The following BMP6 variants were observed in gnomAD, a reference collection of about 807,000 sequenced individuals.
BMP6 encodes VG-1-R.
A neutral mutation model predicts 54.1 loss-of-function variants in BMP6; 17 were observed. That is an observed-to-expected ratio of 0.31 (90% confidence interval 0.22 to 0.47). The LOEUF is 0.47. BMP6 is among the 20% of genes least tolerant of loss of function. The pLI, the probability that BMP6 is intolerant of heterozygous loss-of-function variation, is 1.00. For missense variants in BMP6, 720 were observed against 690.4 expected, an observed-to-expected ratio of 1.04 and a Z score of -0.48; for synonymous variants, 328 against 291.2, an observed-to-expected ratio of 1.13 and a Z score of -1.28.
rs1463443161 is a variant in BMP6, at chr6:7,838,879, T to C, written c.665-6261T>C. On this transcript the variant is annotated intron_variant, in intron 1 of 6. Transcript: ENST00000283147. ...ATGGCGTCAACCCGGGAGGTGGAGT[T>C]TGCAGTGAGCCGAGATCGCGCCACT... Among the ~76,000 whole-genome samples the C allele has an allele frequency of 4.6e-5, 7 of 150,720 alleles. No individual in the cohort carries two copies. The East Asian group carries it at 1.4e-3, about 30-fold the overall frequency.
chr6:7,754,909 C>A (rs1423166252), intron 1 of BMP6, among the ~76,000 whole-genome samples: 3 of 151,828 alleles, frequency 2.0e-5, no homozygotes, highest in Admixed American at 6.6e-5. Flanking sequence ...TAGTAGAGAC[C>A]GGGTTTCACC....
At chr6:7,765,556 G>T (rs887252524) in intron 1 of BMP6, among the ~76,000 whole-genome samples, 1 of 152,228 alleles carries the variant, frequency 6.6e-6, no homozygotes, top group Non-Finnish European at 1.5e-5. Context: ...CATGTCAGCA[G>T]CATCATCTCC....
intron 4 of BMP6, 56 bp downstream of exon 4, chr6:7,862,554 A>G (rs1759352555): frequency 1.3e-6 from 2 of 1,598,984 alleles, no homozygotes; most frequent in South Asian, 2.2e-5. Flanking sequence ...CAGTGAGAAC[A>G]AAAGTTGTGT....
intron 2 of BMP6, among the ~76,000 whole-genome samples, chr6:7,856,504 G>A (rs1759235477): frequency 6.6e-6 from 1 of 151,588 alleles, no homozygotes; most frequent in Non-Finnish European, 1.5e-5. Flanking sequence ...ATGTGTTATG[G>A]AGAAATAAAG....
chr6:7,746,312 G>A (rs1757346278), intron 1 of BMP6, among the ~76,000 whole-genome samples: 1 of 152,152 alleles, frequency 6.6e-6, no homozygotes, highest in Admixed American at 6.5e-5. Context: ...AGGCAATGAG[G>A]AACTATTTAC....
intron 2 of BMP6, among the ~76,000 whole-genome samples, chr6:7,859,902 C>T (rs893879800): frequency 1.3e-5 from 2 of 152,164 alleles, no homozygotes; most frequent in Non-Finnish European, 2.9e-5. Flanking sequence ...TTTAAGTGGC[C>T]ATGGAGGCAG....
intron 1 of BMP6, among the ~76,000 whole-genome samples, chr6:7,813,432 G>C (rs1214865279): frequency 4.9e-5 from 5 of 102,998 alleles, no homozygotes; most frequent in African/African-American, 7.8e-5. Context: ...ACCAGCCTGG[G>C]CAACATAGTG....
At chr6:7,731,531 C>T (rs1305165889) in intron 1 of BMP6, among the ~76,000 whole-genome samples, 1 of 152,210 alleles carries the variant, frequency 6.6e-6, no homozygotes, top group South Asian at 2.1e-4. Flanking sequence ...GCGGAAACCA[C>T]GCTAACCCAC....
intron 2 of BMP6, among the ~76,000 whole-genome samples, chr6:7,861,160 A>G (rs1158546823): frequency 6.6e-6 from 1 of 151,364 alleles, no homozygotes; most frequent in African/African-American, 2.4e-5. Flanking sequence ...AAGATCTGTC[A>G]TAAGCAGCAC....
At chr6:7,799,395 A>T (rs1432325519) in intron 1 of BMP6, among the ~76,000 whole-genome samples, 1 of 152,220 alleles carries the variant, frequency 6.6e-6, no homozygotes, top group East Asian at 1.9e-4. Context: ...ACTTGGATTA[A>T]TTCAGGGAAG....
At chr6:7,823,988 G>C (rs6928029) in intron 1 of BMP6, among the ~76,000 whole-genome samples, 20,967 of 152,246 alleles carry the variant, frequency 0.14, 1,844 homozygotes, top group African/African-American at 0.25. Flanking sequence ...TCTGGCCACT[G>C]TGTAGAGAAT....
At chr6:7,830,783 T>C (rs1017718721) in intron 1 of BMP6, among the ~76,000 whole-genome samples, 3 of 152,090 alleles carry the variant, frequency 2.0e-5, no homozygotes, top group Non-Finnish European at 4.4e-5. Flanking sequence ...ATGAGACTTA[T>C]TCACTATCAC....
At chr6:7,766,861 C>A (rs970209777) in intron 1 of BMP6, among the ~76,000 whole-genome samples, 2 of 152,016 alleles carry the variant, frequency 1.3e-5, no homozygotes, top group South Asian at 2.1e-4. Context: ...CAAACAAAAT[C>A]AAAAAGAATC....
intron 2 of BMP6, among the ~76,000 whole-genome samples, chr6:7,856,436 A>G (rs549218735): frequency 6.6e-6 from 1 of 152,006 alleles, no homozygotes; most frequent in African/African-American, 2.4e-5. Context: ...TCCTCCATGT[A>G]TGAATGTTGT....
intron 1 of BMP6, among the ~76,000 whole-genome samples, chr6:7,741,702 G>A (rs923006386): frequency 1.3e-5 from 2 of 152,208 alleles, no homozygotes; most frequent in African/African-American, 4.8e-5. Flanking sequence ...AAAAGTGCTG[G>A]GCTTACAGGC....
intron 1 of BMP6, among the ~76,000 whole-genome samples, chr6:7,763,193 T>C (rs575395554): frequency 2.0e-5 from 3 of 152,338 alleles, no homozygotes; most frequent in African/African-American, 7.2e-5. Flanking sequence ...CTCCCGTGTT[T>C]TCAGCCTCCA....
intron 1 of BMP6, among the ~76,000 whole-genome samples, chr6:7,801,201 C>A (rs1758266055): frequency 6.6e-6 from 1 of 152,176 alleles, no homozygotes; most frequent in Non-Finnish European, 1.5e-5. Flanking sequence ...CATTTATTAA[C>A]TTGAACCGAA....
At chr6:7,739,983 A>T (rs1762017720) in intron 1 of BMP6, among the ~76,000 whole-genome samples, 1 of 152,166 alleles carries the variant, frequency 6.6e-6, no homozygotes, top group African/African-American at 2.4e-5. Context: ...ATATTTTCTG[A>T]AATACAACAA....
chr6:7,757,336 C>T (rs1007583747), intron 1 of BMP6, among the ~76,000 whole-genome samples: 2 of 152,198 alleles, frequency 1.3e-5, no homozygotes, highest in Non-Finnish European at 2.9e-5. Context: ...GGATTTTGTT[C>T]ATGCCTTTCT....
Sources: allele counts gnomAD v4.1 joint callset (sites outside exome capture counted in the v4.1 genomes callset), GRCh38; gene constraint gnomAD v4.1.1; transcripts MANE v1.5; gene names NCBI Gene and HGNC (gene_info 2026-07-23, HGNC 2026-07-21).